SCART1: variants seen among roughly 807,000 people sequenced by gnomAD.
SCART1 encodes the protein scavenger receptor cysteine-rich domain-containing protein SCART1.
In SCART1, 62 loss-of-function variants were observed where a neutral mutation model predicts 36.2. The ratio of observed to expected loss-of-function variants is 1.71; its 90% CI spans 1.40 to 2.12. SCART1 has a LOEUF of 2.12. Ranked by LOEUF, SCART1 falls within the 30% of genes most tolerant of loss-of-function variation. The pLI is 0.00. For synonymous variants in SCART1, 487 were observed against 238.7 expected, an observed-to-expected ratio of 2.04 and a Z score of -9.59; for missense variants, 1,041 against 540.5, an observed-to-expected ratio of 1.93 and a Z score of -9.18.
At chr10:133,462,526 G>A (rs140747072) in intron 6 of SCART1, among the ~76,000 whole-genome samples, 4 of 152,302 alleles carry the variant, frequency 2.6e-5, no homozygotes, top group Non-Finnish European at 2.9e-5. Flanking sequence ...TAAAGCCATC[G>A]TGAATGCGTA....
chr10:133,459,036 A>G, exon 5 of SCART1: 1 of 692,518 alleles, frequency 1.4e-6, no homozygotes, highest in Non-Finnish European at 2.6e-6. Flanking sequence ...AGGATGGTCA[A>G]CGGCAGCAGC....
chr10:133,457,626 C>T (rs10466128), intron 3 of SCART1, 51 bp downstream of exon 3: 68,659 of 621,564 alleles, frequency 0.11, 5,535 homozygotes, highest in African/African-American at 0.32. Context: ...ATGCTGGGCC[C>T]GGACCTGGGG....
chr10:133,457,653 G>T lies in SCART1; in HGVS notation c.682+78G>T, dbSNP rs61668064. 2,214 of 599,268 alleles carry T rather than the reference G, an allele frequency of 3.7e-3. 44 individuals are homozygous for T. The highest frequency in any genetic ancestry group is 0.037 in the African/African-American group (1,950 of 53,346). The allele number at this position is 599,268 out of a possible 1,614,324, so 37.1% of individuals were successfully genotyped here. A position where few individuals can be genotyped will look rare whatever the true frequency, so the allele number is the denominator to read the frequency against. On this transcript the variant is annotated intron_variant, in intron 3 of 11. Coordinates refer to ENST00000640237, the Ensembl canonical transcript of SCART1. ...GACCTGGGGAGGGCAGGGAGAAGGG[G>T]GGTGGGCGTTCCCACGGATGGGCCC...
At chr10:133,468,841 T>C (rs1334124295) in exon 12 of SCART1, 1 of 152,214 alleles carries the variant, frequency 6.6e-6, no homozygotes, top group Non-Finnish European at 1.5e-5. Context: ...TTTGGTAATA[T>C]GTTGGGTCAA....
exon 6 of SCART1, chr10:133,460,039 C>A: frequency 1.9e-6 from 1 of 514,286 alleles, no homozygotes. Flanking sequence ...CACTTCGGAG[C>A]CGGGGCAGGG....
At chr10:133,456,241 A>G (rs769346563) in exon 2 of SCART1, 7 of 702,164 alleles carry the variant, frequency 1.0e-5, no homozygotes, top group Non-Finnish European at 1.6e-5. Context: ...CTGTAGGTGG[A>G]CCAGGTGCTC....
chr10:133,457,548 C>T (rs761207278), exon 3 of SCART1: 40 of 701,332 alleles, frequency 5.7e-5, no homozygotes, highest in Non-Finnish European at 6.0e-5. Context: ...CTGCGACCTG[C>T]GGCTGGACGC....
At position 133,456,227 on chromosome 10, in the gene SCART1, C is replaced by T. The variant is rs1850608824; in HGVS notation, c.68-10C>T. 1.4e-6 allele frequency: 1 copy of T among 699,526 alleles called. No individual in the cohort carries two copies. Among genetic ancestry groups the T allele is most frequent in the Admixed American group, 2.0e-5 (1 of 49,874 alleles). 43.3% of individuals were successfully genotyped at this position (699,526 alleles called of 1,614,324 possible). A position where few individuals can be genotyped will look rare whatever the true frequency, so the allele number is the denominator to read the frequency against. On this transcript the variant is annotated splice_polypyrimidine_tract_variant and intron_variant, in intron 1 of 11. Transcript: ENST00000640237. ...TTCTGGCCCCTCTAACTGGACCTGT[C>T]TGTCTGTAGGTGGACCAGGTGCTCT... is the stretch of plus-strand genomic sequence containing the variant.
rs115983131 is a variant in SCART1, at chr10:133,466,419, G to T, written c.2806+38G>T. On this transcript the variant is annotated intron_variant, in intron 10 of 11. Transcript: ENST00000640237. Reference sequence around the variant, plus strand: ...CCACCCTGATCCCATCAACTGGTGTGCAGGAGCAAGAGCAGCTCACAGCTC... The same window carrying T: ...CCACCCTGATCCCATCAACTGGTGTTCAGGAGCAAGAGCAGCTCACAGCTC... The T allele has an allele frequency of 1.2e-3, 865 of 693,074 alleles. 2 individuals carry two copies. In the African/African-American group the frequency reaches 0.014, roughly 11 times the overall value. The allele number at this position is 693,074 out of a possible 1,614,324, so 42.9% of individuals were successfully genotyped here.
In SCART1 at chr10:133,458,971, T is replaced by C. The variant is rs1164001203; in HGVS notation, c.980-50T>C. On this transcript the variant is annotated intron_variant, in intron 4 of 11. Coordinates refer to ENST00000640237, the Ensembl canonical transcript of SCART1. ...GGAAGGAAATGACCACAGACAGCCA[T>C]GTTCTGGGTCGGCCGTCTGCAAGCC... 12 of 638,880 alleles carry C rather than the reference T, an allele frequency of 1.9e-5. No individual in the cohort carries two copies. The South Asian group carries it at 2.1e-4, about 11-fold the overall frequency. 39.6% of individuals were successfully genotyped at this position (638,880 alleles called of 1,614,324 possible).
At chr10:133,467,683 GT>G (rs1297296663) in intron 11 of SCART1, among the ~76,000 whole-genome samples, 163 bp from the exon 12 acceptor site, 3 of 152,214 alleles carry the variant, frequency 2.0e-5, no homozygotes, top group African/African-American at 7.2e-5. Context: ...CTGTGCTGCT[GT>G]CACAGGCTGC....
At chr10:133,458,430 C>T (rs989513391) in exon 4 of SCART1, 37 of 700,654 alleles carry the variant, frequency 5.3e-5, no homozygotes, top group African/African-American at 1.2e-4. Context: ...CCTGGGGCAC[C>T]GTCTGTGATG....
At chr10:133,467,857 G>C (rs761699972) in exon 12 of SCART1, 66 of 684,314 alleles carry the variant, frequency 9.6e-5, no homozygotes, top group African/African-American at 9.5e-4. Flanking sequence ...TTTCAGGGGA[G>C]GTGTCTAACC....
intron 10 of SCART1, 67 bp downstream of exon 10, chr10:133,466,448 C>A (rs1850767165): frequency 3.0e-6 from 2 of 675,788 alleles, no homozygotes; most frequent in Non-Finnish European, 5.4e-6. Context: ...ACAGCTCCAG[C>A]CTGGTGTTGG....
At chr10:133,464,507 T>A (rs916226983) in intron 6 of SCART1, 99 bp from the exon 7 acceptor site, 3 of 603,866 alleles carry the variant, frequency 5.0e-6, no homozygotes, top group Non-Finnish European at 8.9e-6. Context: ...CTATAACTGA[T>A]CTCAGTGCTG....
At chr10:133,466,458 G>A (rs1372134255) in intron 10 of SCART1, 77 bp downstream of exon 10, 1 of 664,202 alleles carries the variant, frequency 1.5e-6, no homozygotes, top group Non-Finnish European at 2.7e-6. Flanking sequence ...CCTGGTGTTG[G>A]GGTCTGGGCA....
chr10:133,466,336 A>T (rs1290359639), exon 10 of SCART1: 5 of 703,000 alleles, frequency 7.1e-6, no homozygotes, highest in South Asian at 4.4e-5. Context: ...TCTGGGCCTC[A>T]TGGCTTTTCT....
At chr10:133,469,691 A>G (rs1180426048), downstream of SCART1, among the ~76,000 whole-genome samples, 1 of 152,182 alleles carries the variant, frequency 6.6e-6, no homozygotes, top group Non-Finnish European at 1.5e-5. Flanking sequence ...GTGTATACCT[A>G]TGTAACAAAC....
chr10:133,457,694 G>C (rs1850636940), intron 3 of SCART1, 119 bp downstream of exon 3: 2 of 579,840 alleles, frequency 3.4e-6, no homozygotes, highest in Non-Finnish European at 6.1e-6. Context: ...TCCTGCATGA[G>C]ACATTGGGCG....
Sources: allele counts gnomAD v4.1 joint callset (sites outside exome capture counted in the v4.1 genomes callset), GRCh38; gene constraint gnomAD v4.1.1; transcripts MANE v1.5; gene names NCBI Gene and HGNC (gene_info 2026-07-23, HGNC 2026-07-21).